The following FIG4 variants were observed in gnomAD, a reference collection of about 807,000 sequenced individuals.
FIG4 encodes the protein polyphosphoinositide phosphatase.
Under a neutral mutation model 118.6 loss-of-function variants are expected in FIG4, and 112 were observed. The ratio of observed to expected loss-of-function variants is 0.94; its 90% CI spans 0.81 to 1.11. The LOEUF (loss-of-function observed/expected upper bound fraction) is 1.11, where lower values mean the gene tolerates loss of function less well. Among genes scored for constraint, FIG4 ranks in the 50% least tolerant of loss-of-function variants. The pLI, the probability that FIG4 is intolerant of heterozygous loss-of-function variation, is 0.00. For missense variants in FIG4, 969 were observed against 1,111.7 expected (o/e 0.87, Z 1.83); for synonymous variants, 369 against 381.2 (o/e 0.97, Z 0.37).
chr6:109,726,515 G>A (rs999786860), intron 3 of FIG4, among the ~76,000 whole-genome samples: 14 of 152,082 alleles, frequency 9.2e-5, no homozygotes. Context: ...TTGTAGTATG[G>A]TTTGAAGTCA....
At chr6:109,756,463 C>G (rs984246157) in intron 10 of FIG4, among the ~76,000 whole-genome samples, 1 of 151,878 alleles carries the variant, frequency 6.6e-6, no homozygotes, top group Non-Finnish European at 1.5e-5. Context: ...CTCTGTATTT[C>G]CTGAATCTGA....
intron 3 of FIG4, among the ~76,000 whole-genome samples, chr6:109,719,558 T>A (rs958310530): frequency 2.6e-5 from 4 of 152,034 alleles, no homozygotes; most frequent in Admixed American, 2.6e-4. Context: ...TAATGTTTTT[T>A]CTTTTCTTTT....
intron 21 of FIG4, among the ~76,000 whole-genome samples, chr6:109,794,666 A>AGAGT (rs963904321): frequency 3.3e-5 from 5 of 152,156 alleles, no homozygotes; most frequent in Admixed American, 3.3e-4. Context: ...TCCAAAGGGG[A>AGAGT]GAGTTTCAAG....
intron 22 of FIG4, among the ~76,000 whole-genome samples, chr6:109,812,944 T>G (rs1778761705): frequency 6.6e-6 from 1 of 152,194 alleles, no homozygotes; most frequent in Non-Finnish European, 1.5e-5. Flanking sequence ...AGGCACTGAA[T>G]CATTTTGTAT....
intron 20 of FIG4, among the ~76,000 whole-genome samples, chr6:109,792,008 C>T (rs530883989): frequency 6.6e-6 from 1 of 152,304 alleles, no homozygotes; most frequent in African/African-American, 2.4e-5. Flanking sequence ...AAAGGACCAA[C>T]TCTAGCTTTG....
rs1774838060 is a variant in FIG4, at chr6:109,699,498, GTTTTTTTTTTGTTTT to G, written c.66+8005_66+8019del. ...CCTCATACGCGGTTTTTTTTTGTTT[GTTTTTTTTTTGTTTT>G]TTTTTTTGAGACGGAGTCTTGCTGT... On this transcript the variant is annotated intron_variant, in intron 1 of 22. Transcript: ENST00000230124. Among the ~76,000 whole-genome samples, 4 of 136,252 alleles carry G rather than the reference GTTTTTTTTTTGTTTT, an allele frequency of 2.9e-5. No homozygotes were observed. The South Asian group carries it at 9.4e-4, about 32-fold the overall frequency. The allele number at this position is 136,252 out of a possible 152,430, so 89.4% of individuals were successfully genotyped here.
At chr6:109,779,399 G>A (rs957198182) in intron 16 of FIG4, among the ~76,000 whole-genome samples, 1 of 152,094 alleles carries the variant, frequency 6.6e-6, no homozygotes, top group Non-Finnish European at 1.5e-5. Context: ...AAAGGAAGCT[G>A]GTATTACATC....
intron 22 of FIG4, among the ~76,000 whole-genome samples, chr6:109,797,896 CAAA>C (rs11341028): frequency 1.1e-4 from 9 of 78,922 alleles, no homozygotes; most frequent in Admixed American, 2.6e-4. Flanking sequence ...ACTCCATCTC[CAAA>C]AAAAAAAAAA....
chr6:109,786,160 GGA>G, intron 17 of FIG4, 140 bp from the exon 18 acceptor site: 1 of 666,252 alleles, frequency 1.5e-6, no homozygotes, highest in Non-Finnish European at 2.6e-6. Context: ...TGTAAGTGTT[GGA>G]GGCAGGAGCT....
intron 10 of FIG4, among the ~76,000 whole-genome samples, chr6:109,754,331 A>G (rs1776810729): frequency 6.6e-6 from 1 of 152,122 alleles, no homozygotes; most frequent in Non-Finnish European, 1.5e-5. Context: ...GTGTTGCTGG[A>G]TTCAGTTTGC....
At position 109,750,915 on chromosome 6, in the gene FIG4, G is replaced by A. The variant is rs565008737; in HGVS notation, c.1137+7143G>A. 1.1e-4 allele frequency among the ~76,000 whole-genome samples: 17 copies of A among 152,250 alleles called. No homozygotes were observed. In the East Asian group the frequency reaches 2.7e-3, roughly 24 times the overall value. ...TTAAATGCTTTTGAGAAAAATTTCA[G>A]ATATATAATTTAATTTTCTCCGATA... On this transcript the variant is annotated intron_variant, in intron 10 of 22. Transcript: ENST00000230124.
intron 3 of FIG4, among the ~76,000 whole-genome samples, chr6:109,721,529 G>A (rs1775610817): frequency 6.6e-6 from 1 of 152,156 alleles, no homozygotes; most frequent in Non-Finnish European, 1.5e-5. Flanking sequence ...TCCCTCTCAA[G>A]TGACACAGCC....
chr6:109,714,734 A>G (rs926263426), intron 1 of FIG4, among the ~76,000 whole-genome samples: 1 of 152,198 alleles, frequency 6.6e-6, no homozygotes, highest in Non-Finnish European at 1.5e-5. Context: ...GTTGAGCTTT[A>G]GAATTTTTAC....
chr6:109,796,744 C>A, intron 21 of FIG4, 21 bp from the exon 22 acceptor site: 1 of 1,456,260 alleles, frequency 6.9e-7, no homozygotes, highest in Non-Finnish European at 9.7e-7. Context: ...TTAGCTGACT[C>A]TTATCCATTG....
chr6:109,812,059 G>A (rs778075941), intron 22 of FIG4, among the ~76,000 whole-genome samples: 5 of 152,124 alleles, frequency 3.3e-5, no homozygotes, highest in African/African-American at 4.8e-5. Context: ...TGCTGTTCTC[G>A]TGATAGTGAG....
chr6:109,763,717 C>CT (rs2128391828), intron 12 of FIG4, among the ~76,000 whole-genome samples: 1 of 152,274 alleles, frequency 6.6e-6, no homozygotes, highest in Non-Finnish European at 1.5e-5. Context: ...TAAAATGCCC[C>CT]TTTCCTGGAC....
intron 10 of FIG4, among the ~76,000 whole-genome samples, chr6:109,755,008 A>G (rs912372789): frequency 3.4e-4 from 51 of 151,670 alleles, no homozygotes; most frequent in African/African-American, 1.2e-3. Context: ...TTGCTTTTCT[A>G]GTTCTTTTAA....
chr6:109,764,937 TAAA>T (rs1221553599), intron 13 of FIG4, 73 bp from the exon 14 acceptor site: 81 of 1,036,096 alleles, frequency 7.8e-5, no homozygotes, highest in Middle Eastern at 2.3e-4. Flanking sequence ...TTTTGTTTCT[TAAA>T]GAAATCTAAA....
chr6:109,801,079 AG>A (rs1778414982), intron 22 of FIG4, among the ~76,000 whole-genome samples: 1 of 152,246 alleles, frequency 6.6e-6, no homozygotes, highest in Admixed American at 6.5e-5. Flanking sequence ...TAGGTTGAAA[AG>A]GCATGAACAC....
Sources: allele counts gnomAD v4.1 joint callset (sites outside exome capture counted in the v4.1 genomes callset), GRCh38; gene constraint gnomAD v4.1.1; transcripts MANE v1.5; gene names NCBI Gene and HGNC (gene_info 2026-07-23, HGNC 2026-07-21).